Variants in LRRC1 observed in about 807,000 individuals in gnomAD.
LRRC1 encodes leucine rich repeat containing 1, also known as leucine-rich repeat-containing protein 1.
Under a neutral mutation model 69.9 loss-of-function variants are expected in LRRC1, and 28 were observed. That is an observed-to-expected ratio of 0.40 (90% CI 0.30 to 0.55). The LOEUF (loss-of-function observed/expected upper bound fraction) is 0.55, where lower values mean the gene tolerates loss of function less well. Among genes scored for constraint, LRRC1 ranks in the 20% least tolerant of loss-of-function variants. LRRC1 has a pLI of 0.47. For synonymous variants in LRRC1, 236 were observed against 240.2 expected (o/e 0.98, Z 0.16); for missense variants, 498 against 609.0 (o/e 0.82, Z 1.92).
At chr6:53,880,555 A>T (rs374532544) in intron 3 of LRRC1, among the ~76,000 whole-genome samples, 1 of 152,128 alleles carries the variant, frequency 6.6e-6, no homozygotes, top group Non-Finnish European at 1.5e-5. Flanking sequence ...TAGTTAGCTC[A>T]TTTCATGCCT....
chr6:53,833,723 CT>C (rs1383064309), intron 1 of LRRC1, among the ~76,000 whole-genome samples: 2 of 152,060 alleles, frequency 1.3e-5, no homozygotes, highest in Non-Finnish European at 2.9e-5. Flanking sequence ...TTTTTTCCCC[CT>C]GTGATCTCTT....
At chr6:53,897,602 G>A (rs922523812) in intron 7 of LRRC1, among the ~76,000 whole-genome samples, 25 of 152,080 alleles carry the variant, frequency 1.6e-4, no homozygotes, top group African/African-American at 5.8e-4. Flanking sequence ...TGTAAAATCT[G>A]TATTTTATTG....
At chr6:53,812,593 G>T (rs1190185048) in intron 1 of LRRC1, among the ~76,000 whole-genome samples, 8 of 150,490 alleles carry the variant, frequency 5.3e-5, no homozygotes, top group South Asian at 2.1e-4. Flanking sequence ...GGGAGGCTGA[G>T]GCAGGAGAAT....
intron 1 of LRRC1, among the ~76,000 whole-genome samples, chr6:53,838,679 T>A (rs2127414960): frequency 6.6e-6 from 1 of 152,320 alleles, no homozygotes; most frequent in East Asian, 1.9e-4. Flanking sequence ...TGAATGGCTT[T>A]TGTGCTGGCT....
chr6:53,901,624 A>C (rs192447849), intron 8 of LRRC1, among the ~76,000 whole-genome samples: 14 of 152,154 alleles, frequency 9.2e-5, no homozygotes, highest in African/African-American at 2.9e-4. Flanking sequence ...TGTCACTAGA[A>C]GTATTCAAGG....
rs148282491 is a variant in LRRC1 at position 53,795,984 on chromosome 6, CTGCGGGGGT to C, written c.159+570_159+578del. Among the ~76,000 whole-genome samples, 775 of 152,344 alleles carry C rather than the reference CTGCGGGGGT, an allele frequency of 5.1e-3. 4 individuals are homozygous for C. Among genetic ancestry groups the C allele is most frequent in the African/African-American group, 0.018 (729 of 41,580 alleles). ...GGCTTGGCCGGCTGGCCTGCGGTGG[CTGCGGGGGT>C]GGACGCGAGATGGGCGCAGGGGAGA... On this transcript the variant is annotated intron_variant, in intron 1 of 13. Coordinates refer to ENST00000370888, the MANE Select transcript of LRRC1 (RefSeq NM_018214.5).
At chr6:53,831,343 A>C (rs937897993) in intron 1 of LRRC1, among the ~76,000 whole-genome samples, 1 of 152,164 alleles carries the variant, frequency 6.6e-6, no homozygotes, top group Non-Finnish European at 1.5e-5. Context: ...GTATGTATGC[A>C]TCTGATATTT....
intron 4 of LRRC1, among the ~76,000 whole-genome samples, 158 bp downstream of exon 4, chr6:53,883,134 A>G (rs1767356393): frequency 6.6e-6 from 1 of 152,152 alleles, no homozygotes; most frequent in African/African-American, 2.4e-5. Flanking sequence ...CCAGCCTCCT[A>G]TGTTTTTGCA....
intron 7 of LRRC1, among the ~76,000 whole-genome samples, chr6:53,897,826 C>T (rs1767925664): frequency 6.6e-6 from 1 of 152,134 alleles, no homozygotes; most frequent in African/African-American, 2.4e-5. Flanking sequence ...GTTTAGCTGG[C>T]ATGTCATGGT....
intron 1 of LRRC1, among the ~76,000 whole-genome samples, chr6:53,821,563 G>A (rs565794745): frequency 1.3e-5 from 2 of 152,310 alleles, no homozygotes; most frequent in African/African-American, 4.8e-5. Flanking sequence ...GCACAATGAG[G>A]TGTGCGTGAT....
chr6:53,921,059 C>T (rs1768726294), intron 13 of LRRC1, among the ~76,000 whole-genome samples: 1 of 152,048 alleles, frequency 6.6e-6, no homozygotes, highest in Non-Finnish European at 1.5e-5. Flanking sequence ...CCTCGACCTT[C>T]TGGATTCAAG....
chr6:53,894,066 T>C (rs1038318670), intron 4 of LRRC1, among the ~76,000 whole-genome samples: 1 of 152,204 alleles, frequency 6.6e-6, no homozygotes, highest in African/African-American at 2.4e-5. Context: ...TACCTAAAAC[T>C]GAGAGGTGTT....
chr6:53,844,976 G>C (rs532094835), intron 2 of LRRC1, among the ~76,000 whole-genome samples: 2 of 152,146 alleles, frequency 1.3e-5, no homozygotes, highest in East Asian at 1.9e-4. Flanking sequence ...AGGCCAAGGC[G>C]GGGGGATCAC....
At chr6:53,888,798 A>G (rs900654247) in intron 4 of LRRC1, among the ~76,000 whole-genome samples, 2 of 152,220 alleles carry the variant, frequency 1.3e-5, no homozygotes, top group Non-Finnish European at 2.9e-5. Flanking sequence ...CATTGGATTA[A>G]GCAGTGGTTT....
chr6:53,796,691 G>A (rs945589757), intron 1 of LRRC1, among the ~76,000 whole-genome samples: 3 of 152,150 alleles, frequency 2.0e-5, no homozygotes, highest in South Asian at 2.1e-4. Flanking sequence ...TTGATTGGAT[G>A]TTTGCTCTGT....
At chr6:53,827,543 G>C (rs1765309040) in intron 1 of LRRC1, among the ~76,000 whole-genome samples, 1 of 152,146 alleles carries the variant, frequency 6.6e-6, no homozygotes, top group Non-Finnish European at 1.5e-5. Flanking sequence ...GAGAGGTCGT[G>C]GCATTTGAGG....
rs988080983 is a variant in LRRC1, at chr6:53,838,924, A to G, written c.160-3186A>G. Among the ~76,000 whole-genome samples the G allele has an allele frequency of 2.4e-4, 37 of 152,218 alleles. No individual in the cohort carries two copies. The East Asian group carries it at 6.7e-3, about 28-fold the overall frequency. On this transcript the variant is annotated intron_variant, in intron 1 of 13. Coordinates refer to ENST00000370888, the MANE Select transcript of LRRC1 (RefSeq NM_018214.5). ...ATTCATGCATTATCTTTGTCACCCA[A>G]CATAACTGCTTTTTTCTTCTTTGTT...
At chr6:53,889,025 C>T (rs1291908586) in intron 4 of LRRC1, among the ~76,000 whole-genome samples, 2 of 151,894 alleles carry the variant, frequency 1.3e-5, no homozygotes. Context: ...AAGAACCAAC[C>T]CAATTAAAAA....
Position 53,920,722 on chromosome 6 carries a change from A to G in LRRC1, c.1377A>G (p.Arg459=), listed in dbSNP as rs530076177. The change falls in exon 13 of 14, where the codon CGA becomes CGG. Residue 459 remains arginine, a synonymous_variant. Coordinates refer to ENST00000370888, the MANE Select transcript of LRRC1 (RefSeq NM_018214.5). ...CTGTCAACAGAGTCAGTGCGATCCG[A>G]TTTGTGGAGGATGAGAAAGATGAAG... The part of the protein sequence containing the change: ...ERAVNRVSAI[R]FVEDEKDEED... The G allele has an allele frequency of 2.8e-4, 444 of 1,614,182 alleles. 4 individuals carry two copies. In the South Asian group the frequency reaches 4.4e-3, roughly 16 times the overall value.
Sources: allele counts gnomAD v4.1 joint callset (sites outside exome capture counted in the v4.1 genomes callset), GRCh38; gene constraint gnomAD v4.1.1; transcripts MANE v1.5; gene names NCBI Gene and HGNC (gene_info 2026-07-23, HGNC 2026-07-21).